KATNIP: variants seen among roughly 807,000 people sequenced by gnomAD.
KATNIP encodes katanin-interacting protein.
Under a neutral mutation model 174.0 loss-of-function variants are expected in KATNIP, and 126 were observed. The ratio of observed to expected loss-of-function variants is 0.72; its 90% CI spans 0.63 to 0.84. KATNIP has a LOEUF of 0.84. Ranked by LOEUF, KATNIP falls within the 40% of genes least tolerant of loss-of-function variation. The pLI is 0.00. For synonymous variants in KATNIP, 810 were observed against 835.7 expected (o/e 0.97, Z 0.53); for missense variants, 1,958 against 2,109.7 (o/e 0.93, Z 1.41).
At chr16:27,558,502 A>G (rs1262549288) in intron 1 of KATNIP, among the ~76,000 whole-genome samples, 2 of 152,244 alleles carry the variant, frequency 1.3e-5, no homozygotes, top group African/African-American at 4.8e-5. Flanking sequence ...GAAACTTCAT[A>G]GTATGGTGAG....
intron 8 of KATNIP, 41 bp downstream of exon 8, chr16:27,681,571 C>G: frequency 1.9e-6 from 3 of 1,611,930 alleles, no homozygotes; most frequent in Non-Finnish European, 2.5e-6. Flanking sequence ...AGCAGGGCTG[C>G]GACTGGGTCA....
chr16:27,734,372 C>T (rs915864381), intron 14 of KATNIP, among the ~76,000 whole-genome samples: 3 of 146,000 alleles, frequency 2.1e-5, no homozygotes, highest in Non-Finnish European at 4.5e-5. Context: ...TGAGCCACTG[C>T]GCCTGGCCCA....
intron 6 of KATNIP, among the ~76,000 whole-genome samples, chr16:27,658,637 A>G (rs1015785702): frequency 2.6e-5 from 4 of 152,212 alleles, no homozygotes; most frequent in African/African-American, 9.6e-5. Context: ...CTTTGGAACC[A>G]TATTCTGCAC....
intron 13 of KATNIP, among the ~76,000 whole-genome samples, chr16:27,713,813 T>TATAC (rs2079773197): frequency 2.9e-4 from 6 of 20,706 alleles, no homozygotes; most frequent in African/African-American, 2.0e-3. Flanking sequence ...TATATACATA[T>TATAC]ATATATATAT....
chr16:27,572,992 G>A (rs114220635), intron 1 of KATNIP, among the ~76,000 whole-genome samples: 12 of 152,248 alleles, frequency 7.9e-5, no homozygotes, highest in East Asian at 1.9e-4. Context: ...CCTCACTCAC[G>A]TGCAGACTTG....
intron 15 of KATNIP, among the ~76,000 whole-genome samples, chr16:27,749,319 C>G (rs1276369816): frequency 6.6e-6 from 1 of 152,254 alleles, no homozygotes; most frequent in Non-Finnish European, 1.5e-5. Flanking sequence ...ACAGGACAGT[C>G]AGAAGCTGTG....
In KATNIP at chr16:27,751,771, C is replaced by G; in HGVS notation, c.3399C>G (p.Leu1133=). 1 of 1,614,220 alleles carries G rather than the reference C, an allele frequency of 6.2e-7. No individual in the cohort carries two copies. Among genetic ancestry groups the G allele is most frequent in the East Asian group, 2.2e-5 (1 of 44,884 alleles). ...TATTCACAACCGATGATGACATTCT[C>G]GAGGCCATATTCTATTCTGATGAGA... ...TILFTTDDDI[L]EAIFYSDEMF... The change falls in exon 17 of 28, where the codon CTC becomes CTG. Residue 1133 remains leucine (L), a synonymous_variant. Transcript: ENST00000261588.
At chr16:27,756,501 G>A (rs1443305821) in intron 18 of KATNIP, among the ~76,000 whole-genome samples, 1 of 152,228 alleles carries the variant, frequency 6.6e-6, no homozygotes, top group Non-Finnish European at 1.5e-5. Flanking sequence ...TACGGAAGCT[G>A]GGAGTGCAAG....
chr16:27,648,580 G>A, intron 5 of KATNIP, 24 bp from the exon 6 acceptor site: 1 of 1,613,772 alleles, frequency 6.2e-7, no homozygotes, highest in Non-Finnish European at 8.5e-7. Context: ...CACCTTATCT[G>A]AAATGGCCTG....
At chr16:27,555,817 CAA>C (rs1323644833) in intron 1 of KATNIP, among the ~76,000 whole-genome samples, 1 of 140,596 alleles carries the variant, frequency 7.1e-6, no homozygotes, top group East Asian at 2.2e-4. Flanking sequence ...GCCTGGGCAA[CAA>C]GAGCGAAACT....
In KATNIP at chr16:27,717,424, A is replaced by C. The variant is rs1209917210; in HGVS notation, c.1606-4134A>C. On this transcript the variant is annotated intron_variant, in intron 13 of 27. Coordinates refer to ENST00000261588, the MANE Select transcript of KATNIP (RefSeq NM_015202.5). ...TCAGAGAAGCCTGCTTTAACCATTCATTCTAAAATAGCTGTTCCATGGGCC... is the reference window on the plus strand; with the variant it reads ...TCAGAGAAGCCTGCTTTAACCATTCCTTCTAAAATAGCTGTTCCATGGGCC... Among the ~76,000 whole-genome samples, 6 of 152,092 alleles carry C rather than the reference A, an allele frequency of 3.9e-5. No homozygotes were observed. The East Asian group carries it at 1.2e-3, about 29-fold the overall frequency.
intron 2 of KATNIP, among the ~76,000 whole-genome samples, chr16:27,606,625 G>A (rs185032695): frequency 1.3e-5 from 2 of 151,940 alleles, no homozygotes; most frequent in African/African-American, 4.8e-5. Flanking sequence ...TGGATATGGT[G>A]GATTAACCAC....
chr16:27,665,819 T>G (rs1442187055), intron 6 of KATNIP, among the ~76,000 whole-genome samples: 1 of 152,038 alleles, frequency 6.6e-6, no homozygotes, highest in African/African-American at 2.4e-5. Flanking sequence ...CGGGCTGGTC[T>G]TGAACTGCTG....
At position 27,655,183 on chromosome 16, in the gene KATNIP, T is replaced by TGG. The variant is rs1567259948; in HGVS notation, c.540+6448_540+6449insGG. On this transcript the variant is annotated intron_variant, in intron 6 of 27. Coordinates refer to ENST00000261588, the MANE Select transcript of KATNIP (RefSeq NM_015202.5). ...GCTGCTACCCCCTAGAATGGATATATATATATATATATATATATATATATA... is the reference window on the plus strand; with the variant it reads ...GCTGCTACCCCCTAGAATGGATATATGGATATATATATATATATATATATATA... 8.2e-3 allele frequency among the ~76,000 whole-genome samples: 61 copies of TGG among 7,438 alleles called. 2 individuals are homozygous for TGG. Among genetic ancestry groups the TGG allele is most frequent in the African/African-American group, 0.062 (60 of 972 alleles). The allele number at this position is 7,438 out of a possible 152,430, so 4.9% of individuals were successfully genotyped here. A position where few individuals can be genotyped will look rare whatever the true frequency, so the allele number is the denominator to read the frequency against.
chr16:27,638,835 ATT>A (rs35773237), intron 5 of KATNIP, among the ~76,000 whole-genome samples: 12 of 110,780 alleles, frequency 1.1e-4, no homozygotes, highest in African/African-American at 2.2e-4. Context: ...GTCTTGCTGG[ATT>A]TTTTTTTTTT....
intron 6 of KATNIP, among the ~76,000 whole-genome samples, chr16:27,655,178 A>ATATG (rs2077230864): frequency 5.7e-3 from 1 of 176 alleles, no homozygotes; most frequent in Non-Finnish European, 0.01. Context: ...CCTAGAATGG[A>ATATG]TATATATATA....
At chr16:27,577,513 G>A (rs544596508) in intron 2 of KATNIP, among the ~76,000 whole-genome samples, 20 of 152,272 alleles carry the variant, frequency 1.3e-4, no homozygotes, top group African/African-American at 4.3e-4. Flanking sequence ...CCAACATGGT[G>A]AAACCCTATC....
chr16:27,736,390 A>G (rs1006253039), intron 14 of KATNIP, among the ~76,000 whole-genome samples: 1 of 152,216 alleles, frequency 6.6e-6, no homozygotes, highest in Non-Finnish European at 1.5e-5. Flanking sequence ...TGAGTGGGAA[A>G]AACAATAAAT....
intron 6 of KATNIP, among the ~76,000 whole-genome samples, chr16:27,658,954 A>G (rs2142448399): frequency 6.7e-6 from 1 of 149,878 alleles, no homozygotes; most frequent in African/African-American, 2.5e-5. Context: ...CCCAGTAGAG[A>G]CGGGGTTTCA....
Sources: allele counts gnomAD v4.1 joint callset (sites outside exome capture counted in the v4.1 genomes callset), GRCh38; gene constraint gnomAD v4.1.1; transcripts MANE v1.5; gene names NCBI Gene and HGNC (gene_info 2026-07-23, HGNC 2026-07-21).